The following STXBP6 variants were observed in gnomAD, a reference collection of about 807,000 sequenced individuals.
STXBP6 encodes the protein syntaxin-binding protein 6.
A neutral mutation model predicts 26.9 loss-of-function variants in STXBP6; 21 were observed. The ratio of observed to expected loss-of-function variants is 0.78; its 90% CI spans 0.55 to 1.12. The LOEUF is 1.12. Among genes scored for constraint, STXBP6 ranks in the 50% most tolerant of loss-of-function variants. The pLI is 0.00. For missense variants in STXBP6, 232 were observed against 257.9 expected, an observed-to-expected ratio of 0.90 and a Z score of 0.69; for synonymous variants, 97 against 92.6, an observed-to-expected ratio of 1.05 and a Z score of -0.27.
At chr14:24,828,023 C>T (rs1188425548) in intron 4 of STXBP6, among the ~76,000 whole-genome samples, 1 of 149,746 alleles carries the variant, frequency 6.7e-6, no homozygotes, top group Non-Finnish European at 1.5e-5. Context: ...CCGACATCAG[C>T]AGTAGCACTT....
At chr14:24,928,105 G>A (rs1595127615) in intron 2 of STXBP6, among the ~76,000 whole-genome samples, 1 of 152,212 alleles carries the variant, frequency 6.6e-6, no homozygotes, top group Non-Finnish European at 1.5e-5. Context: ...TAAATCCCTC[G>A]TTAGATTGAT....
intron 2 of STXBP6, among the ~76,000 whole-genome samples, chr14:24,906,309 CAA>C (rs916684439): frequency 2.6e-5 from 4 of 151,960 alleles, no homozygotes; most frequent in Admixed American, 6.6e-5. Flanking sequence ...TTCTACAATG[CAA>C]AAAAATTTAA....
chr14:24,859,149 G>A (rs905064766), intron 2 of STXBP6, among the ~76,000 whole-genome samples: 1 of 152,158 alleles, frequency 6.6e-6, no homozygotes, highest in Non-Finnish European at 1.5e-5. Flanking sequence ...AATGAGGCAT[G>A]CAGGAACCCC....
At chr14:25,002,359 C>A (rs1430261054) in intron 1 of STXBP6, among the ~76,000 whole-genome samples, 1 of 121,356 alleles carries the variant, frequency 8.2e-6, no homozygotes, top group Non-Finnish European at 1.7e-5. Flanking sequence ...ATTCTTATGA[C>A]TTTTTTTTTT....
chr14:24,966,556 G>A (rs1321085003), intron 2 of STXBP6, among the ~76,000 whole-genome samples: 3 of 152,156 alleles, frequency 2.0e-5, no homozygotes, highest in Non-Finnish European at 4.4e-5. Context: ...AGGCTGTTGT[G>A]AGGATTAAAT....
intron 1 of STXBP6, among the ~76,000 whole-genome samples, chr14:25,002,636 G>C (rs1280395799): frequency 6.6e-6 from 1 of 152,016 alleles, no homozygotes; most frequent in Non-Finnish European, 1.5e-5. Context: ...TGGGATTACA[G>C]GTGTGAGCCA....
At chr14:25,023,831 T>C (rs776650063) in intron 1 of STXBP6, among the ~76,000 whole-genome samples, 3 of 152,106 alleles carry the variant, frequency 2.0e-5, no homozygotes, top group Non-Finnish European at 4.4e-5. Flanking sequence ...TGCTTCTCTG[T>C]TTCTTAGTAC....
chr14:24,913,284 T>C (rs755156776), intron 2 of STXBP6, among the ~76,000 whole-genome samples: 18 of 152,214 alleles, frequency 1.2e-4, no homozygotes, highest in Non-Finnish European at 1.5e-4. Context: ...GAATGGGTCA[T>C]CTGCTATAGT....
At chr14:24,910,065 C>T (rs2071516345) in intron 2 of STXBP6, among the ~76,000 whole-genome samples, 1 of 151,968 alleles carries the variant, frequency 6.6e-6, no homozygotes, top group Non-Finnish European at 1.5e-5. Flanking sequence ...TACCACTTGT[C>T]CCAGGTCACC....
chr14:24,826,731 C>T (rs2068296336), intron 4 of STXBP6, among the ~76,000 whole-genome samples: 1 of 145,708 alleles, frequency 6.9e-6, no homozygotes, highest in Admixed American at 6.7e-5. Context: ...CTTGATCCAC[C>T]CCCCGACCCC....
chr14:24,891,356 G>T (rs770002842), intron 2 of STXBP6, among the ~76,000 whole-genome samples: 30 of 152,166 alleles, frequency 2.0e-4, no homozygotes, highest in Non-Finnish European at 4.1e-4. Flanking sequence ...ATAAATAGGG[G>T]TTACCTATGC....
chr14:24,984,605 A>G (rs532531882), intron 1 of STXBP6, among the ~76,000 whole-genome samples: 1 of 152,326 alleles, frequency 6.6e-6, no homozygotes, highest in African/African-American at 2.4e-5. Context: ...CCAAGGGTCA[A>G]CTTCACGAAT....
chr14:24,983,396 G>A (rs1358938934), intron 1 of STXBP6, among the ~76,000 whole-genome samples: 4 of 152,160 alleles, frequency 2.6e-5, no homozygotes, highest in Admixed American at 6.5e-5. Context: ...TTCCAACCAT[G>A]TTCAAATACA....
chr14:24,956,711 A>C (rs1223449563), intron 2 of STXBP6, among the ~76,000 whole-genome samples: 1 of 139,132 alleles, frequency 7.2e-6, no homozygotes, highest in Non-Finnish European at 1.7e-5. Context: ...CCTCACACTA[A>C]GTAATGAGAC....
chr14:24,935,125 C>T (rs555983561), intron 2 of STXBP6, among the ~76,000 whole-genome samples: 10 of 152,006 alleles, frequency 6.6e-5, no homozygotes, highest in Non-Finnish European at 1.3e-4. Flanking sequence ...TAGTATTGCA[C>T]TATAGCACTG....
At chr14:24,891,842 G>A (rs955520170) in intron 2 of STXBP6, among the ~76,000 whole-genome samples, 1 of 152,120 alleles carries the variant, frequency 6.6e-6, no homozygotes, top group East Asian at 1.9e-4. Context: ...AACATGTAAG[G>A]CTTCTTCCAT....
At chr14:24,960,809 A>G (rs1187812034) in intron 2 of STXBP6, among the ~76,000 whole-genome samples, 1 of 152,256 alleles carries the variant, frequency 6.6e-6, no homozygotes, top group Non-Finnish European at 1.5e-5. Flanking sequence ...TTGTTCTTGC[A>G]TACAGATAGG....
At chr14:24,975,144 T>G (rs938103579) in intron 1 of STXBP6, among the ~76,000 whole-genome samples, 1 of 152,214 alleles carries the variant, frequency 6.6e-6, no homozygotes, top group African/African-American at 2.4e-5. Flanking sequence ...CTACCCCAAC[T>G]GCACCTCCCT....
intron 1 of STXBP6, among the ~76,000 whole-genome samples, chr14:25,025,517 A>G (rs988101288): frequency 6.6e-6 from 1 of 152,206 alleles, no homozygotes; most frequent in Non-Finnish European, 1.5e-5. Flanking sequence ...GCAACATACT[A>G]AAATGTTTTA....
Sources: allele counts gnomAD v4.1 joint callset (sites outside exome capture counted in the v4.1 genomes callset), GRCh38; gene constraint gnomAD v4.1.1; transcripts MANE v1.5; gene names NCBI Gene and HGNC (gene_info 2026-07-23, HGNC 2026-07-21).